The following PPP1R13B variants were observed in gnomAD, a reference collection of about 807,000 sequenced individuals.
PPP1R13B encodes the protein protein phosphatase 1 regulatory subunit 13B.
A neutral mutation model predicts 119.8 loss-of-function variants in PPP1R13B; 44 were observed. That is an observed-to-expected ratio of 0.37 (90% CI 0.29 to 0.47). The LOEUF is 0.47. PPP1R13B is among the 20% of genes least tolerant of loss of function. The pLI is 0.99. For synonymous variants in PPP1R13B, 542 were observed against 561.5 expected (o/e 0.97, Z 0.49); for missense variants, 1,227 against 1,413.5 (o/e 0.87, Z 2.12).
In PPP1R13B at chr14:103,738,956, T is replaced by C. The variant is rs762397550; in HGVS notation, c.2660A>G (p.Asn887Ser). The C allele has an allele frequency of 6.4e-5, 104 of 1,613,890 alleles. 1 individual carries two copies. In the South Asian group the frequency reaches 7.2e-4, roughly 11 times the overall value. ...CGCGTCTAGGAGCAGTGCCAGGGGG[T>C]TAAACCGGACTCTCAGCCCGTGCCC... Reference protein sequence around the residue: ...RTGHGLRVRFNPLALLLDASL... With the variant: ...RTGHGLRVRFSPLALLLDASL... The change falls in exon 13 of 17, where the codon AAC becomes AGC. Residue 887 changes from asparagine to serine, a missense_variant. Asn to Ser is a conservative substitution (Grantham distance 46). Transcript: ENST00000202556. The surrounding 1 kb of genome is among the most constrained non-coding windows in gnomAD (Gnocchi z 5.6).
chr14:103,798,404 G>A (rs372238004), intron 1 of PPP1R13B, among the ~76,000 whole-genome samples: 51 of 151,904 alleles, frequency 3.4e-4, no homozygotes, highest in African/African-American at 9.4e-4. Context: ...CACCCGTCTC[G>A]GCCTCCCAAA....
chr14:103,847,114 G>C (rs2087063532), intron 1 of PPP1R13B, 185 bp downstream of exon 1: 1 of 983,804 alleles, frequency 1.0e-6, no homozygotes, highest in African/African-American at 1.8e-5. Context: ...CGCGCTGACA[G>C]CCCGGCGCCG....
intron 2 of PPP1R13B, among the ~76,000 whole-genome samples, chr14:103,792,067 A>C (rs780073672): frequency 3.9e-5 from 6 of 152,302 alleles, no homozygotes; most frequent in Non-Finnish European, 7.3e-5. Context: ...TTTACAACCT[A>C]TATTTAAATA....
chr14:103,819,094 C>A (rs1320618080), intron 1 of PPP1R13B, among the ~76,000 whole-genome samples: 2 of 152,108 alleles, frequency 1.3e-5, no homozygotes, highest in Non-Finnish European at 2.9e-5. Context: ...AGTGCAAAGG[C>A]CCTGAGGCAG....
At chr14:103,805,340 G>A (rs1361143222) in intron 1 of PPP1R13B, among the ~76,000 whole-genome samples, 2 of 152,056 alleles carry the variant, frequency 1.3e-5, no homozygotes, top group Non-Finnish European at 2.9e-5. Context: ...GGAGGCCAAC[G>A]GTGGCAGATT....
intron 1 of PPP1R13B, among the ~76,000 whole-genome samples, chr14:103,835,404 C>T (rs2086751769): frequency 1.3e-5 from 2 of 150,906 alleles, no homozygotes; most frequent in African/African-American, 2.4e-5. Context: ...GGATTACAGG[C>T]ATGAGCCACT....
At chr14:103,793,594 T>C (rs1419758396) in intron 2 of PPP1R13B, among the ~76,000 whole-genome samples, 1 of 152,124 alleles carries the variant, frequency 6.6e-6, no homozygotes, top group Non-Finnish European at 1.5e-5. Flanking sequence ...AGTATGAAAA[T>C]GGACTAACTA....
chr14:103,761,107 C>A, intron 4 of PPP1R13B, among the ~76,000 whole-genome samples: 1 of 151,800 alleles, frequency 6.6e-6, no homozygotes, highest in East Asian at 1.9e-4. Flanking sequence ...AACCTCATCA[C>A]TACAAAATAC....
At chr14:103,846,903 G>T in intron 1 of PPP1R13B, 1 of 874,668 alleles carries the variant, frequency 1.1e-6, no homozygotes. Flanking sequence ...CTCCGGGCGC[G>T]GGTGCCCACC....
intron 1 of PPP1R13B, among the ~76,000 whole-genome samples, chr14:103,837,988 G>A (rs1464115044): frequency 6.6e-6 from 1 of 151,972 alleles, no homozygotes; most frequent in Non-Finnish European, 1.5e-5. Flanking sequence ...GCATGGTGGC[G>A]CACACCTGTA....
At chr14:103,758,663 G>A (rs1452644637) in intron 4 of PPP1R13B, among the ~76,000 whole-genome samples, 1 of 152,200 alleles carries the variant, frequency 6.6e-6, no homozygotes, top group Non-Finnish European at 1.5e-5. Flanking sequence ...AGGGGAAGGA[G>A]CATGCCTAGA....
intron 2 of PPP1R13B, among the ~76,000 whole-genome samples, chr14:103,785,517 CTTTT>C (rs57736391): frequency 8.3e-6 from 1 of 120,174 alleles, no homozygotes; most frequent in Non-Finnish European, 1.7e-5. Flanking sequence ...CACACTCAGC[CTTTT>C]TTTTTTTTTT....
In PPP1R13B at chr14:103,740,254, T is replaced by C. The variant is rs1319435382; in HGVS notation, c.2162A>G (p.Asn721Ser). 14 of 1,606,548 alleles carry C rather than the reference T, an allele frequency of 8.7e-6. No individual in the cohort carries two copies. Among genetic ancestry groups the C allele is most frequent in the East Asian group, 2.2e-5 (1 of 44,686 alleles). ...ITEPEGPGGP[N>S]IQKLLYQRFN... ...GCGCTGGTACAGCAGCTTCTGGATG[T>C]TGGGCCCGCCGGGGCCCTCGGGCTC... Residue 721 changes from asparagine to serine, a missense_variant, in exon 12 of 17, where the codon AAC becomes AGC. Physicochemically the swap from Asn to Ser is conservative, Grantham distance 46 (BLOSUM62 1). Coordinates refer to ENST00000202556, the MANE Select transcript of PPP1R13B (RefSeq NM_015316.3). The surrounding 1 kb of genome is among the most constrained non-coding windows in gnomAD (Gnocchi z 4.6).
chr14:103,754,344 C>G, intron 5 of PPP1R13B, 100 bp from the exon 6 acceptor site: 1 of 1,148,032 alleles, frequency 8.7e-7, no homozygotes, highest in South Asian at 1.5e-5. Context: ...GTAGGTGGAT[C>G]ACCTGAGGTC....
intron 1 of PPP1R13B, chr14:103,846,809 G>A: frequency 2.2e-6 from 1 of 460,064 alleles, no homozygotes; most frequent in Non-Finnish European, 4.3e-6. Context: ...GAATTCCTAA[G>A]ATGGCTCTCC....
chr14:103,832,777 T>C (rs1279775505), intron 1 of PPP1R13B, among the ~76,000 whole-genome samples: 1 of 151,922 alleles, frequency 6.6e-6, no homozygotes, highest in African/African-American at 2.4e-5. Flanking sequence ...GAGGTCAGAG[T>C]TCGAGACCAG....
At chr14:103,775,278 A>ATTAT (rs2085160353) in intron 4 of PPP1R13B, among the ~76,000 whole-genome samples, 3 of 145,892 alleles carry the variant, frequency 2.1e-5, no homozygotes, top group Admixed American at 6.8e-5. Context: ...TATTATTATT[A>ATTAT]TTTTTTTTTT....
In PPP1R13B at chr14:103,765,997, T is replaced by TATC. The variant is rs1486590962; in HGVS notation, c.355-8247_355-8246insGAT. ...GAGGAAATTTTTATTTTATTATTAT[T>TATC]ATTATTATTATTATTATTATTATTA... On this transcript the variant is annotated intron_variant, in intron 4 of 16. Transcript: ENST00000202556. Among the ~76,000 whole-genome samples the TATC allele has an allele frequency of 2.4e-4, 35 of 147,278 alleles. 1 individual carries two copies. The highest frequency in any genetic ancestry group is 7.5e-5 in the Non-Finnish European group (5 of 66,910).
At chr14:103,737,957 G>C in intron 14 of PPP1R13B, 97 bp from the exon 15 acceptor site, 1 of 1,330,878 alleles carries the variant, frequency 7.5e-7, no homozygotes, top group Non-Finnish European at 1.0e-6. Context: ...CGCGGAAGGC[G>C]TTCACCTTTG....
Sources: allele counts gnomAD v4.1 joint callset (sites outside exome capture counted in the v4.1 genomes callset), GRCh38; gene constraint gnomAD v4.1.1; non-coding constraint Gnocchi (gnomAD v3.1); transcripts MANE v1.5; gene names NCBI Gene and HGNC (gene_info 2026-07-23, HGNC 2026-07-21).